GREP1: variants seen among roughly 807,000 people sequenced by gnomAD.
GREP1 encodes the protein glycine rich extracellular protein 1.
At chr16:3,001,199 T>C (rs1029029982) in intron 33 of GREP1, 82 bp from the exon 28 acceptor site, 14 of 398,928 alleles carry the variant, frequency 3.5e-5, no homozygotes, top group Middle Eastern at 6.2e-4. Flanking sequence ...AGGGGGTGTC[T>C]CCCACAGCCT....
chr16:2,990,870 G>A (rs1483178252), intron 7 of GREP1, among the ~76,000 whole-genome samples, 178 bp from the exon 7 acceptor site: 1 of 152,150 alleles, frequency 6.6e-6, no homozygotes, highest in African/African-American at 2.4e-5. Context: ...GGGCGGGGAG[G>A]TGGGGCCCCT....
rs571772946 is a variant in GREP1, at chr16:2,991,312, A to C, written c.322+211A>C. The C allele has an allele frequency of 2.6e-6, 1 of 389,306 alleles. No individual in the cohort carries two copies. Among genetic ancestry groups the C allele is most frequent in the Admixed American group, 4.5e-5 (1 of 22,388 alleles). The allele number at this position is 389,306 out of a possible 1,614,324, so 24.1% of individuals were successfully genotyped here. A position where few individuals can be genotyped will look rare whatever the true frequency, so the allele number is the denominator to read the frequency against. On this transcript the variant is annotated intron_variant, in intron 8 of 34. Coordinates refer to ENST00000573315, the Ensembl canonical transcript of GREP1. This position sits in a 1 kb window ranked among gnomAD's most constrained non-coding sequence, Gnocchi z 4.9. ...TGCCCCGCCTTGCCCACTTATATCC[A>C]GGCGCCTCTGGGTCCCTCAAGCCTG...
At chr16:2,990,587 G>A (rs966687647) in exon 7 of GREP1, 1 of 399,324 alleles carries the variant, frequency 2.5e-6, no homozygotes, top group Non-Finnish European at 4.4e-6. Context: ...AGCCCAGCCA[G>A]GTGAGGCTGG....
At chr16:2,988,505 G>C (rs1229327823) in intron 1 of GREP1, 85 bp from the exon 2 acceptor site, 2 of 398,786 alleles carry the variant, frequency 5.0e-6, no homozygotes, top group Non-Finnish European at 8.9e-6. Flanking sequence ...GGGTTTTTGG[G>C]GGCTGGAGGA....
rs1227640405 is a variant in GREP1 at position 2,990,298 on chromosome 16, T to G, written c.200-157T>G. 7.5e-6 allele frequency: 3 copies of G among 397,998 alleles called. No homozygotes were observed. The East Asian group carries it at 1.1e-4, about 14-fold the overall frequency. The allele number at this position is 397,998 out of a possible 1,614,324, so 24.7% of individuals were successfully genotyped here. A position where few individuals can be genotyped will look rare whatever the true frequency, so the allele number is the denominator to read the frequency against. ...CCCACCTCAGCTGGGACCCCAAACC[T>G]CCTCAGCTCACCTCTCTCTCTCCCA... is the stretch of plus-strand genomic sequence containing the variant. On this transcript the variant is annotated intron_variant, in intron 5 of 34. Transcript: ENST00000573315.
rs1463399177 is a variant in GREP1, at chr16:2,995,911, G to A, written c.676+1G>A. 1 of 398,236 alleles carries A rather than the reference G, an allele frequency of 2.5e-6. No individual in the cohort carries two copies. Among genetic ancestry groups the A allele is most frequent in the African/African-American group, 2.1e-5 (1 of 48,516 alleles). The allele number at this position is 398,236 out of a possible 1,614,324, so 24.7% of individuals were successfully genotyped here. ...TTCCCTGGGGCTGGAACCCAGCCAGGTGAGGACACCTGGGGTAGGAGCCCA... is the reference window on the plus strand; with the variant it reads ...TTCCCTGGGGCTGGAACCCAGCCAGATGAGGACACCTGGGGTAGGAGCCCA... On this transcript the variant is annotated splice_donor_variant, in intron 18 of 34. Transcript: ENST00000573315. LOFTEE classifies it high-confidence loss of function.
rs996939629 is a variant in GREP1 at position 2,992,901 on chromosome 16, G to T, written c.353-30G>T. On this transcript the variant is annotated intron_variant, in intron 9 of 34. Coordinates refer to ENST00000573315, the Ensembl canonical transcript of GREP1. The surrounding 1 kb of genome is among the most constrained non-coding windows in gnomAD (Gnocchi z 4.9). ...ATTCTGGGCACAGGCCCAGAGGAAA[G>T]GATCCCTCACCCTCTCATCTTCCCC... 1.0e-5 allele frequency: 4 copies of T among 399,088 alleles called. No homozygotes were observed. Among genetic ancestry groups the T allele is most frequent in the Non-Finnish European group, 1.8e-5 (4 of 226,080 alleles). The allele number at this position is 399,088 out of a possible 1,614,324, so 24.7% of individuals were successfully genotyped here.
intron 5 of GREP1, 176 bp from the exon 6 acceptor site, chr16:2,990,376 A>G (rs2072392290): frequency 2.5e-6 from 1 of 398,478 alleles, no homozygotes; most frequent in Non-Finnish European, 4.4e-6. Context: ...GGAGTGGGGG[A>G]GCTGGAAGCC....
intron 7 of GREP1, 73 bp from the exon 7 acceptor site, chr16:2,990,975 C>T (rs2072396147): frequency 2.5e-6 from 1 of 399,238 alleles, no homozygotes; most frequent in Non-Finnish European, 4.4e-6. Context: ...GTGTCCACTT[C>T]CCACCCTCTG....
intron 24 of GREP1, 41 bp from the exon 23 acceptor site, chr16:2,998,453 C>T (rs2072439520): frequency 2.5e-6 from 1 of 399,322 alleles, no homozygotes; most frequent in Non-Finnish European, 4.4e-6. Flanking sequence ...CTAGCCTCTG[C>T]CCCCAGTGTT....
At chr16:2,990,818 AC>A (rs1275417449) in intron 7 of GREP1, among the ~76,000 whole-genome samples, 2 of 151,722 alleles carry the variant, frequency 1.3e-5, no homozygotes, top group Admixed American at 6.6e-5. Flanking sequence ...CCTGGGCCTC[AC>A]CCCTGCCTCA....
chr16:3,001,506 G>A, intron 34 of GREP1, 55 bp from the exon 29 acceptor site: 1 of 399,124 alleles, frequency 2.5e-6, no homozygotes, highest in Non-Finnish European at 4.4e-6. Context: ...GGGAGGAGGG[G>A]GCAAGGCCTC....
Position 2,989,269 on chromosome 16 carries a change from A to C in GREP1, c.101-254A>C, listed in dbSNP as rs563988608. ...CTCTAGCCTCCACTGCCCTAGCCCC[A>C]GACTGCTCACCTCCTCTGCCCTCTA... On this transcript the variant is annotated intron_variant, in intron 2 of 34. Coordinates refer to ENST00000573315, the Ensembl canonical transcript of GREP1. This position sits in a 1 kb window ranked among gnomAD's most constrained non-coding sequence, Gnocchi z 4.2. 1.0e-5 allele frequency: 4 copies of C among 386,902 alleles called. No individual in the cohort carries two copies. Among genetic ancestry groups the C allele is most frequent in the African/African-American group, 8.3e-5 (4 of 48,346 alleles). The allele number at this position is 386,902 out of a possible 1,614,324, so 24.0% of individuals were successfully genotyped here.
At chr16:3,001,710 C>A (rs530462847) in exon 35 of GREP1, 9 of 398,612 alleles carry the variant, frequency 2.3e-5, no homozygotes, top group Non-Finnish European at 3.5e-5. Flanking sequence ...CTTGCCTCCG[C>A]GTGCCATGCA....
intron 2 of GREP1, chr16:2,988,849 G>A (rs2151088544): frequency 2.5e-6 from 1 of 393,448 alleles, no homozygotes; most frequent in East Asian, 3.6e-5. Flanking sequence ...CTGAGGACGG[G>A]CCTGGGCAGG....
intron 27 of GREP1, among the ~76,000 whole-genome samples, chr16:2,999,515 C>T (rs1164793547): frequency 7.2e-6 from 1 of 138,670 alleles, no homozygotes; most frequent in Non-Finnish European, 1.5e-5. Flanking sequence ...GAGACAGTCT[C>T]GCTCTGTCGC....
chr16:2,995,074 T>C (rs1052947695), intron 13 of GREP1, 112 bp downstream of exon 14: 4 of 398,024 alleles, frequency 1.0e-5, no homozygotes, highest in Non-Finnish European at 1.8e-5. Context: ...CCAAGATCCT[T>C]GGCTTCTGGC....
intron 18 of GREP1, among the ~76,000 whole-genome samples, chr16:2,996,273 G>A (rs961829775): frequency 1.3e-5 from 2 of 152,174 alleles, no homozygotes; most frequent in African/African-American, 4.8e-5. Context: ...GACAAAGATC[G>A]GGCCAGGGGG....
rs994709047 is a variant in GREP1 at position 2,992,442 on chromosome 16, G to A, written c.323-363G>A. On this transcript the variant is annotated intron_variant, in intron 8 of 34. Coordinates refer to ENST00000573315, the Ensembl canonical transcript of GREP1. This position sits in a 1 kb window ranked among gnomAD's most constrained non-coding sequence, Gnocchi z 4.9. ...AACGGACCGGGAACCCAGCCAGGTC[G>A]GGGCCGAAGGGGCTGGGGTGGCTGG... The A allele has an allele frequency of 4.5e-5, 8 of 177,446 alleles. No individual in the cohort carries two copies. Among genetic ancestry groups the A allele is most frequent in the Non-Finnish European group, 8.2e-5 (7 of 85,376 alleles). The allele number at this position is 177,446 out of a possible 1,614,324, so 11.0% of individuals were successfully genotyped here. A position where few individuals can be genotyped will look rare whatever the true frequency, so the allele number is the denominator to read the frequency against.
Sources: gnomAD v4.1 joint callset for allele counts (sites outside exome capture counted in the v4.1 genomes callset) on GRCh38, gnomAD v4.1.1 for gene constraint, Gnocchi (gnomAD v3.1) non-coding constraint, MANE v1.5 for transcripts, NCBI Gene and HGNC (gene_info 2026-07-23, HGNC 2026-07-21) for gene names.